The following SYMPK variants were observed in gnomAD, a reference collection of about 807,000 sequenced individuals.
The protein encoded by SYMPK is symplekin scaffold protein, also known as symplekin.
A neutral mutation model predicts 136.4 loss-of-function variants in SYMPK; 49 were observed. That is an observed-to-expected ratio of 0.36 (90% CI 0.29 to 0.46). The LOEUF is 0.46. SYMPK is among the 20% of genes least tolerant of loss of function. The pLI is 1.00. For synonymous variants in SYMPK, 766 were observed against 713.0 expected (o/e 1.07, Z -1.19); for missense variants, 1,365 against 1,690.0 (o/e 0.81, Z 3.37).
chr19:45,823,346 G>T (rs778283635), intron 20 of SYMPK, 26 bp downstream of exon 20: 6 of 1,609,900 alleles, frequency 3.7e-6, no homozygotes, highest in Non-Finnish European at 5.1e-6. Context: ...CAGGTAGCAG[G>T]GACAAACAGG....
Position 45,848,865 on chromosome 19 carries a change from A to G in SYMPK, c.311T>C (p.Ile104Thr). The G allele has an allele frequency of 6.2e-7, 1 of 1,613,988 alleles. No individual in the cohort carries two copies. Among genetic ancestry groups the G allele is most frequent in the Non-Finnish European group, 8.5e-7 (1 of 1,180,008 alleles). ...TGCAATGAGTTTCAGCAGCAACTCA[A>G]TGTCTCGCTTGCTGAGGGATGGAGA... ...GFIEEACKRD[I>T]ELLLKLIANL... is the part of the protein sequence containing the mutation. Residue 104 changes from isoleucine to threonine, a missense_variant, in exon 6 of 27, where the codon ATT becomes ACT. By Grantham distance (89) the Ile-to-Thr change is moderately conservative (BLOSUM62 -1). Transcript: ENST00000245934.
At chr19:45,819,169 C>T (rs2146299107) in intron 22 of SYMPK, 1 of 152,506 alleles carries the variant, frequency 6.6e-6, no homozygotes, top group South Asian at 2.1e-4. Context: ...CTCCCCTCTT[C>T]CTTCCCTGTC....
chr19:45,821,608 TGGA>T lies in SYMPK; in HGVS notation c.2792-126_2792-124del, dbSNP rs1359823876. 12 of 682,254 alleles carry T rather than the reference TGGA, an allele frequency of 1.8e-5. No homozygotes were observed. The highest frequency in any genetic ancestry group is 2.6e-5 in the Non-Finnish European group (10 of 390,394). 42.3% of individuals were successfully genotyped at this position (682,254 alleles called of 1,614,324 possible). ...ATGAGGTGCCCTCTGCTTTCAGGGCTGGAACAGGGGAAGCGACTGACAACATAA... is the reference window on the plus strand; with the variant it reads ...ATGAGGTGCCCTCTGCTTTCAGGGCTACAGGGGAAGCGACTGACAACATAA... On this transcript the variant is annotated intron_variant, in intron 21 of 26. Coordinates refer to ENST00000245934, the MANE Select transcript of SYMPK (RefSeq NM_004819.3). This position sits in a 1 kb window ranked among gnomAD's most constrained non-coding sequence, Gnocchi z 4.4.
chr19:45,827,759 G>C (rs1190254727), intron 15 of SYMPK, 78 bp downstream of exon 15: 2 of 1,538,754 alleles, frequency 1.3e-6, no homozygotes, highest in Non-Finnish European at 1.8e-6. Context: ...ACAAGGTTTA[G>C]ACTGTGTGCC....
In SYMPK at chr19:45,815,558, C is replaced by T. The variant is rs1231887270; in HGVS notation, c.*2G>A. 2 of 1,578,606 alleles carry T rather than the reference C, an allele frequency of 1.3e-6. No homozygotes were observed. Among genetic ancestry groups the T allele is most frequent in the African/African-American group, 1.4e-5 (1 of 73,348 alleles). On this transcript the variant is annotated 3_prime_UTR_variant, in exon 27 of 27. Coordinates refer to ENST00000245934, the MANE Select transcript of SYMPK (RefSeq NM_004819.3). ...CCCACCCCCTTTCCCCCTCGAGCCCCGTCAGCTGTTCCCCTTGGCCTCGGG... is the reference window on the plus strand; with the variant it reads ...CCCACCCCCTTTCCCCCTCGAGCCCTGTCAGCTGTTCCCCTTGGCCTCGGG...
In SYMPK at chr19:45,815,905, C is replaced by A; in HGVS notation, c.3633G>T (p.Ser1211=). The change falls in exon 26 of 27, where the codon TCG becomes TCT. Residue 1211 remains serine (S), a synonymous_variant. Coordinates refer to ENST00000245934, the MANE Select transcript of SYMPK (RefSeq NM_004819.3). ...PGIFISMDDD[S]GLTEAALLDS... The stretch of plus-strand genomic sequence containing the variant: ...CCAACAGCGCGGCCTCGGTCAGCCC[C>A]GAGTCGTCATCCATGCTGATGAAGA... The A allele has an allele frequency of 6.2e-7, 1 of 1,612,298 alleles. No homozygotes were observed. Among genetic ancestry groups the A allele is most frequent in the East Asian group, 2.2e-5 (1 of 44,862 alleles).
chr19:45,846,084 A>C (rs1187636122), intron 7 of SYMPK, among the ~76,000 whole-genome samples: 1 of 152,130 alleles, frequency 6.6e-6, no homozygotes, highest in East Asian at 1.9e-4. Flanking sequence ...AAAATACAAA[A>C]AATTAGCCGG....
chr19:45,827,741 C>G, intron 15 of SYMPK, 96 bp downstream of exon 15: 1 of 1,519,842 alleles, frequency 6.6e-7, no homozygotes, highest in South Asian at 1.1e-5. Flanking sequence ...CTCACAAAAC[C>G]CCCGGCCACA....
At position 45,816,006 on chromosome 19, in the gene SYMPK, C is replaced by A. The variant is rs1236955791; in HGVS notation, c.3532G>T (p.Ala1178Ser). 3 of 1,600,712 alleles carry A rather than the reference C, an allele frequency of 1.9e-6. No homozygotes were observed. The highest frequency in any genetic ancestry group is 1.7e-6 in the Non-Finnish European group (2 of 1,174,212). ...TCAGACGGGGGCGGGCCTGGCCGGGCCGACGGAGAGGGAGAGGGGGAGGAA... is the reference window on the plus strand; with the variant it reads ...TCAGACGGGGGCGGGCCTGGCCGGGACGACGGAGAGGGAGAGGGGGAGGAA... ...SSSSPSPSPSARPGPPPSEEA... is the reference protein window; with the variant it reads ...SSSSPSPSPSSRPGPPPSEEA... Residue 1178 changes from alanine (A) to serine (S), a missense_variant, in exon 26 of 27, where the codon GCC becomes TCC. This residue lies in a region of SYMPK where 341 missense variants were observed against 270.5 expected (regional missense o/e 1.26). Transcript: ENST00000245934.
chr19:45,825,525 A>T (rs1247278701), intron 17 of SYMPK, among the ~76,000 whole-genome samples, 194 bp from the exon 18 acceptor site: 1 of 152,166 alleles, frequency 6.6e-6, no homozygotes, highest in Non-Finnish European at 1.5e-5. Flanking sequence ...GTGACTGCCA[A>T]CACACAAGGC....
At chr19:45,818,274 C>G in intron 22 of SYMPK, 128 bp from the exon 23 acceptor site, 1 of 979,292 alleles carries the variant, frequency 1.0e-6, no homozygotes, top group Non-Finnish European at 1.4e-6. Flanking sequence ...AAAGCCCCTG[C>G]GGGAGAGAGG....
intron 6 of SYMPK, among the ~76,000 whole-genome samples, chr19:45,848,509 G>T (rs1971619778): frequency 6.6e-6 from 1 of 152,180 alleles, no homozygotes; most frequent in Non-Finnish European, 1.5e-5. Flanking sequence ...AAGCACAGAG[G>T]ACATACTCAG....
chr19:45,847,254 T>C (rs1432067907), intron 7 of SYMPK, among the ~76,000 whole-genome samples: 1 of 151,932 alleles, frequency 6.6e-6, no homozygotes, highest in Non-Finnish European at 1.5e-5. Context: ...CTGCTTCTAC[T>C]AAAAATAATT....
Position 45,830,068 on chromosome 19 carries a change from T to C in SYMPK, c.1735A>G (p.Ser579Gly). The C allele has an allele frequency of 1.3e-6, 2 of 1,554,208 alleles. No homozygotes were observed. Among genetic ancestry groups the C allele is most frequent in the Non-Finnish European group, 1.7e-6 (2 of 1,147,822 alleles). ...CAGGCGCACACCTGGGCTGCCCCGC[T>C]GCAGGCCACAGCCTTCTCAGCCCGC... ...ILRAEKAVAC[S>G]GAAQVRIKIL... Residue 579 changes from serine (S) to glycine (G), a missense_variant, in exon 13 of 27, where the codon AGC (serine) becomes GGC (glycine). Around this residue, in one of 11 missense-constraint regions of SYMPK, gnomAD observed 303 missense variants for 326.6 expected, o/e 0.93. Transcript: ENST00000245934.
chr19:45,825,058 A>T (rs1971007466), intron 18 of SYMPK, 113 bp downstream of exon 18: 2 of 1,389,974 alleles, frequency 1.4e-6, no homozygotes, highest in Non-Finnish European at 2.0e-6. Flanking sequence ...GCCCGGGGTG[A>T]CCACCCTTCG....
chr19:45,845,133 G>GA (rs1429897289), intron 7 of SYMPK, among the ~76,000 whole-genome samples: 1 of 148,066 alleles, frequency 6.8e-6, no homozygotes, highest in Non-Finnish European at 1.5e-5. Flanking sequence ...TTTTCCCTGA[G>GA]ATGGGGTCTC....
chr19:45,829,236 T>C, intron 13 of SYMPK, 31 bp from the exon 14 acceptor site: 1 of 1,592,936 alleles, frequency 6.3e-7, no homozygotes. Flanking sequence ...CATGTCAGTG[T>C]AGGGTGGGCA....
At chr19:45,826,437 G>A in intron 16 of SYMPK, 64 bp from the exon 17 acceptor site, 14 of 1,545,296 alleles carry the variant, frequency 9.1e-6, no homozygotes, top group Non-Finnish European at 1.2e-5. Context: ...AGCTATTCCT[G>A]CGAGCATGGC....
intron 1 of SYMPK, 48 bp downstream of exon 1, chr19:45,863,010 G>C: frequency 8.2e-6 from 3 of 363,668 alleles, no homozygotes; most frequent in Admixed American, 9.3e-5. Context: ...TGCTTCTTTA[G>C]GAGCCTCCTC....
Sources: allele counts gnomAD v4.1 joint callset (sites outside exome capture counted in the v4.1 genomes callset), GRCh38; gene constraint gnomAD v4.1.1; regional missense constraint gnomAD v4.1.1; non-coding constraint Gnocchi (gnomAD v3.1); transcripts MANE v1.5; gene names NCBI Gene and HGNC (gene_info 2026-07-23, HGNC 2026-07-21).